Variants in PCDHA1 observed in about 807,000 individuals in gnomAD.
PCDHA1 encodes protocadherin alpha-1.
A neutral mutation model predicts 61.3 loss-of-function variants in PCDHA1; 42 were observed. That is an observed-to-expected ratio of 0.69 (90% CI 0.54 to 0.89). The LOEUF (loss-of-function observed/expected upper bound fraction) is 0.89, where lower values mean the gene tolerates loss of function less well. PCDHA1 is among the 40% of genes least tolerant of loss of function. The probability of loss-of-function intolerance (pLI) is 0.00; values close to 1 mark genes in which losing one functional copy is unlikely to be tolerated. For missense variants in PCDHA1, 1,256 were observed against 1,235.3 expected (o/e 1.02, Z -0.25); for synonymous variants, 610 against 553.8 (o/e 1.10, Z -1.43).
intron 1 of PCDHA1, among the ~76,000 whole-genome samples, chr5:140,941,693 G>C (rs2093147737): frequency 6.6e-6 from 1 of 151,900 alleles, no homozygotes; most frequent in South Asian, 2.1e-4. Flanking sequence ...TTACCTCTTT[G>C]GGCTTAGCTT....
Position 141,010,422 on chromosome 5 carries a change from G to A in PCDHA1, c.*485G>A. The A allele has an allele frequency of 8.7e-7, 1 of 1,145,442 alleles. No homozygotes were observed. Among genetic ancestry groups the A allele is most frequent in the Non-Finnish European group, 1.2e-6 (1 of 836,490 alleles). The allele number at this position is 1,145,442 out of a possible 1,614,324, so 71.0% of individuals were successfully genotyped here. A position where few individuals can be genotyped will look rare whatever the true frequency, so the allele number is the denominator to read the frequency against. On this transcript the variant is annotated 3_prime_UTR_variant, in exon 4 of 4. Transcript: ENST00000504120. ...AGCTTAGACTAATTGGTACAAGGAA[G>A]GCAAGAAAACAAAGACAAATAAACA... is the stretch of plus-strand genomic sequence containing the variant.
intron 3 of PCDHA1, among the ~76,000 whole-genome samples, chr5:140,992,504 C>T (rs2097516189): frequency 6.6e-6 from 1 of 152,174 alleles, no homozygotes; most frequent in African/African-American, 2.4e-5. Context: ...GGATTCAATC[C>T]TGGGGCATGG....
chr5:140,961,155 G>C (rs1214072320), intron 1 of PCDHA1, among the ~76,000 whole-genome samples: 3 of 152,126 alleles, frequency 2.0e-5, no homozygotes, highest in Non-Finnish European at 4.4e-5. Context: ...TATTATTTCA[G>C]TACATATCTA....
At chr5:140,992,949 T>G (rs1554253294) in intron 3 of PCDHA1, among the ~76,000 whole-genome samples, 1 of 152,162 alleles carries the variant, frequency 6.6e-6, no homozygotes, top group Admixed American at 6.5e-5. Context: ...GGAGATTAAA[T>G]CACCCCTTAT....
intron 1 of PCDHA1, chr5:140,824,468 T>C (rs1768131151): frequency 4.9e-6 from 2 of 410,264 alleles, no homozygotes; most frequent in Admixed American, 8.5e-5. Flanking sequence ...TATTTTATTT[T>C]ATTGTTATTT....
At chr5:140,962,786 A>G (rs1377248587) in intron 1 of PCDHA1, among the ~76,000 whole-genome samples, 6 of 152,216 alleles carry the variant, frequency 3.9e-5, no homozygotes, top group African/African-American at 1.4e-4. Context: ...ATTTTTAAAA[A>G]CTACTTTGGA....
At chr5:140,828,805 T>G in intron 1 of PCDHA1, 1 of 1,614,212 alleles carries the variant, frequency 6.2e-7, no homozygotes, top group Non-Finnish European at 8.5e-7. Context: ...TGAATGATAA[T>G]GCTCCCACTT....
rs1340028669 is a variant in PCDHA1 at position 140,846,205 on chromosome 5, T to A, written c.2394+57521T>A. ...GTTTGAGTTCTTTGTATGTATGAGA[T>A]CTTTCCATTAATAGTATTTTTCTTA... On this transcript the variant is annotated intron_variant, in intron 1 of 3. Transcript: ENST00000504120. Among the ~76,000 whole-genome samples, 4 of 149,544 alleles carry A rather than the reference T, an allele frequency of 2.7e-5. 1 individual carries two copies. The highest frequency in any genetic ancestry group is 6.0e-5 in the Non-Finnish European group (4 of 66,902).
intron 1 of PCDHA1, chr5:140,834,189 G>A: frequency 1.7e-6 from 1 of 573,600 alleles, no homozygotes; most frequent in South Asian, 2.6e-5. Flanking sequence ...ACATGATGTC[G>A]CTCTTTACCG....
At chr5:140,864,890 G>T (rs1554159190) in intron 1 of PCDHA1, 1 of 152,170 alleles carries the variant, frequency 6.6e-6, no homozygotes, top group Non-Finnish European at 1.5e-5. Context: ...TCATTAAGCT[G>T]CATGGTCTTC....
intron 1 of PCDHA1, chr5:140,802,904 G>A: frequency 6.2e-7 from 1 of 1,613,806 alleles, no homozygotes; most frequent in Non-Finnish European, 8.5e-7. Context: ...TGATGCCTCG[G>A]GTGGGTGGCA....
chr5:140,983,218 C>T (rs757778991), intron 3 of PCDHA1, among the ~76,000 whole-genome samples: 10 of 152,128 alleles, frequency 6.6e-5, no homozygotes, highest in Non-Finnish European at 1.5e-4. Flanking sequence ...ATTTCCTAAT[C>T]CAAACTTTCA....
chr5:140,926,215 C>T (rs2083014396), intron 1 of PCDHA1, among the ~76,000 whole-genome samples: 1 of 152,170 alleles, frequency 6.6e-6, no homozygotes, highest in Non-Finnish European at 1.5e-5. Flanking sequence ...CTCCTGTTTC[C>T]TTAAGCCTAG....
intron 1 of PCDHA1, chr5:140,929,563 G>A: frequency 2.1e-6 from 1 of 470,088 alleles, no homozygotes; most frequent in Non-Finnish European, 3.6e-6. Context: ...ACCTATTTAA[G>A]AACAATAAAA....
chr5:140,795,575 A>G (rs1338741055), intron 1 of PCDHA1: 1 of 1,614,162 alleles, frequency 6.2e-7, no homozygotes, highest in Admixed American at 1.7e-5. Flanking sequence ...GACAGAGAGG[A>G]AACTGCTGAG....
rs1241138338 is a variant in PCDHA1 at position 140,787,231 on chromosome 5, A to T, written c.941A>T (p.Lys314Ile). ...LIDKLDYEET[K>I]SYEIQVKAVD... ...GATAAACTGGATTATGAAGAAACAAAATCCTACGAAATTCAAGTAAAGGCA... is the reference window on the plus strand; with the variant it reads ...GATAAACTGGATTATGAAGAAACAATATCCTACGAAATTCAAGTAAAGGCA... Residue 314 changes from lysine (K) to isoleucine (I), a missense_variant, in exon 1 of 4, where the codon AAA (lysine) becomes ATA (isoleucine). Lys to Ile is a moderately radical substitution (Grantham distance 102). Transcript: ENST00000504120. 9 of 1,614,096 alleles carry T rather than the reference A, an allele frequency of 5.6e-6. No homozygotes were observed. Among genetic ancestry groups the T allele is most frequent in the African/African-American group, 1.3e-5 (1 of 74,948 alleles).
Position 140,821,968 on chromosome 5 carries a change from G to C in PCDHA1, c.2394+33284G>C, listed in dbSNP as rs1341114422. The C allele has an allele frequency of 1.5e-5, 25 of 1,614,068 alleles. No individual in the cohort carries two copies. The highest frequency in any genetic ancestry group is 2.0e-5 in the Non-Finnish European group (24 of 1,180,052). On this transcript the variant is annotated intron_variant, in intron 1 of 3. Coordinates refer to ENST00000504120, the MANE Select transcript of PCDHA1 (RefSeq NM_018900.4). ...GGAGCTGGTGCCGCGCCTGTTCCGGGTGGCGTCCAAGGGCCGCGGGGACCT... is the reference window on the plus strand; with the variant it reads ...GGAGCTGGTGCCGCGCCTGTTCCGGCTGGCGTCCAAGGGCCGCGGGGACCT...
Position 140,788,339 on chromosome 5 carries a change from G to T in PCDHA1, c.2049G>T (p.Ser683=). The T allele has an allele frequency of 1.2e-6, 2 of 1,613,962 alleles. No homozygotes were observed. Among genetic ancestry groups the T allele is most frequent in the Non-Finnish European group, 1.7e-6 (2 of 1,179,962 alleles). ...CGCCAAAGGCGTCTTCGCGGGCGTC[G>T]GTGGGTGTCGCGGGCCCAGAGGCGG... ...GQAPKASSRA[S]VGVAGPEAAL... Residue 683 remains serine, a synonymous_variant, in exon 1 of 4, where the codon TCG becomes TCT. Coordinates refer to ENST00000504120, the MANE Select transcript of PCDHA1 (RefSeq NM_018900.4).
intron 1 of PCDHA1, among the ~76,000 whole-genome samples, chr5:140,806,619 C>T (rs1581678216): frequency 6.8e-6 from 1 of 147,344 alleles, no homozygotes; most frequent in African/African-American, 2.5e-5. Context: ...CTCAAGTCAA[C>T]AACACCAGAA....
Sources: allele counts gnomAD v4.1 joint callset (sites outside exome capture counted in the v4.1 genomes callset), GRCh38; gene constraint gnomAD v4.1.1; transcripts MANE v1.5; gene names NCBI Gene and HGNC (gene_info 2026-07-23, HGNC 2026-07-21).